The following CLVS1 variants were observed in gnomAD, a reference collection of about 807,000 sequenced individuals.
CLVS1 encodes clavesin-1.
Under a neutral mutation model 33.1 loss-of-function variants are expected in CLVS1, and 10 were observed. The observed-to-expected ratio is 0.30, with a 90% confidence interval of 0.19 to 0.51. CLVS1 has a LOEUF of 0.51. Among genes scored for constraint, CLVS1 ranks in the 20% least tolerant of loss-of-function variants. CLVS1 has a pLI of 0.97. For missense variants in CLVS1, 343 were observed against 433.4 expected (o/e 0.79, Z 1.85); for synonymous variants, 163 against 166.1 (o/e 0.98, Z 0.14).
At chr8:61,228,914 A>G (rs538535325) in intron 2 of CLVS1, among the ~76,000 whole-genome samples, 11 of 152,198 alleles carry the variant, frequency 7.2e-5, no homozygotes, top group Non-Finnish European at 1.6e-4. Flanking sequence ...ATATATATCC[A>G]GCAGTGGGAT....
chr8:61,287,677 G>T (rs555276764), upstream of CLVS1, among the ~76,000 whole-genome samples: 32 of 152,124 alleles, frequency 2.1e-4, no homozygotes, highest in Middle Eastern at 3.4e-3. Context: ...AATACCATTT[G>T]TTAGTAAAAT....
chr8:61,389,186 G>A (rs1372421394), intron 3 of CLVS1, among the ~76,000 whole-genome samples: 2 of 152,028 alleles, frequency 1.3e-5, no homozygotes, highest in African/African-American at 4.8e-5. Context: ...CCACATACTA[G>A]AAGTCTCAAT....
At chr8:61,474,163 C>T (rs532519798) in intron 5 of CLVS1, among the ~76,000 whole-genome samples, 1 of 152,156 alleles carries the variant, frequency 6.6e-6, no homozygotes, top group African/African-American at 2.4e-5. Flanking sequence ...CATTCTCCAA[C>T]ATGGAGAATG....
upstream of CLVS1, among the ~76,000 whole-genome samples, chr8:61,055,739 C>G (rs1043584995): frequency 6.6e-6 from 1 of 152,178 alleles, no homozygotes; most frequent in Admixed American, 6.5e-5. Flanking sequence ...TGAGCAGAAC[C>G]AAGCCTCTGG....
rs534267214 is a variant in CLVS1, at chr8:61,309,406, T to C, written c.455+9124T>C. Among the ~76,000 whole-genome samples, 10 of 152,336 alleles carry C rather than the reference T, an allele frequency of 6.6e-5. No homozygotes were observed. In the East Asian group the frequency reaches 1.7e-3, roughly 26 times the overall value. On this transcript the variant is annotated intron_variant, in intron 2 of 5. Transcript: ENST00000325897. The stretch of plus-strand genomic sequence containing the variant: ...AGGTTGCATTCCTGTTCTGAACTCA[T>C]GATCTCAGAATGACATCTCACAGCA...
chr8:61,495,141 T>C (rs1037404128), intron 5 of CLVS1, among the ~76,000 whole-genome samples: 2 of 152,206 alleles, frequency 1.3e-5, no homozygotes, highest in African/African-American at 4.8e-5. Context: ...GAAGTGAAAG[T>C]TGGCTACCTG....
At chr8:61,142,841 A>G (rs148426384) in intron 2 of CLVS1, among the ~76,000 whole-genome samples, 115 of 152,340 alleles carry the variant, frequency 7.5e-4, no homozygotes, top group African/African-American at 2.6e-3. Context: ...TCATAGAGCA[A>G]GTGAACCCAG....
rs148476104 is a variant in CLVS1 at position 61,266,936 on chromosome 8, T to C, written c.-151-32741T>C. 7.9e-4 allele frequency among the ~76,000 whole-genome samples: 120 copies of C among 152,358 alleles called. No individual in the cohort carries two copies. The Middle Eastern group carries it at 0.017, about 22-fold the overall frequency. ...AACCCGTATGCCTGGTGAATCCCAA[T>C]GCTTGTTGTTGAAATCCCAACACTG... On this transcript the variant is annotated intron_variant, in intron 2 of 2. Coordinates refer to the CLVS1 transcript ENST00000522621.
At chr8:61,328,711 T>C (rs2129596993) in intron 2 of CLVS1, among the ~76,000 whole-genome samples, 1 of 152,316 alleles carries the variant, frequency 6.6e-6, no homozygotes, top group Admixed American at 6.5e-5. Context: ...ATTTCTCTCA[T>C]CTGTGTTTTC....
chr8:61,463,787 C>A lies in CLVS1; in HGVS notation c.977+5245C>A, dbSNP rs190927112. Among the ~76,000 whole-genome samples, 26 of 152,134 alleles carry A rather than the reference C, an allele frequency of 1.7e-4. No homozygotes were observed. In the East Asian group the frequency reaches 4.4e-3, roughly 26 times the overall value. On this transcript the variant is annotated intron_variant, in intron 5 of 5. Transcript: ENST00000325897. ...ATATAAGAATAATAAAAAGTTTGGG[C>A]CGGGTGCAGTGGCTCAAGCCTGTAA...
At chr8:61,197,292 A>C (rs1807636725) in intron 2 of CLVS1, among the ~76,000 whole-genome samples, 1 of 152,112 alleles carries the variant, frequency 6.6e-6, no homozygotes, top group Admixed American at 6.6e-5. Context: ...TCTTCTCCCC[A>C]GTGTATGTTC....
chr8:61,064,454 TA>T (rs1804638246), intron 1 of CLVS1, among the ~76,000 whole-genome samples: 1 of 152,210 alleles, frequency 6.6e-6, no homozygotes, highest in South Asian at 2.1e-4. Flanking sequence ...TCCTAATGAC[TA>T]GTGCTGTTGA....
chr8:61,381,049 T>A (rs1992332), intron 3 of CLVS1, among the ~76,000 whole-genome samples: 6 of 151,798 alleles, frequency 4.0e-5, no homozygotes, highest in South Asian at 2.1e-4. Context: ...TCCAGAAAGC[T>A]ATCTATTTTT....
chr8:61,457,180 G>T (rs1317907112), intron 4 of CLVS1, among the ~76,000 whole-genome samples: 1 of 151,966 alleles, frequency 6.6e-6, no homozygotes, highest in Non-Finnish European at 1.5e-5. Flanking sequence ...CAGGTGATCT[G>T]CCCTCCTCAG....
At chr8:61,324,324 C>G (rs779617433) in intron 2 of CLVS1, among the ~76,000 whole-genome samples, 1 of 148,100 alleles carries the variant, frequency 6.8e-6, no homozygotes, top group Non-Finnish European at 1.5e-5. Flanking sequence ...ATGGTTTTAT[C>G]AGGGGTTTCT....
chr8:61,000,521 C>T, the CLVS1 span, among the ~76,000 whole-genome samples: 1 of 152,000 alleles, frequency 6.6e-6, no homozygotes, highest in African/African-American at 2.4e-5. Flanking sequence ...TGCCGATGAA[C>T]CTATGAAGAA....
chr8:61,234,356 T>TA (rs1453923121), intron 2 of CLVS1, among the ~76,000 whole-genome samples: 2 of 152,218 alleles, frequency 1.3e-5, no homozygotes, highest in African/African-American at 2.4e-5. Flanking sequence ...ATCCCCTTGA[T>TA]ACATTTCTCA....
intron 5 of CLVS1, among the ~76,000 whole-genome samples, chr8:61,458,855 CT>C (rs1323942725): frequency 6.6e-6 from 1 of 152,156 alleles, no homozygotes; most frequent in Non-Finnish European, 1.5e-5. Flanking sequence ...TTGAGATACA[CT>C]AGGTGGAAAA....
intron 2 of CLVS1, among the ~76,000 whole-genome samples, chr8:61,350,819 T>C (rs1333507571): frequency 1.3e-5 from 2 of 152,108 alleles, no homozygotes; most frequent in Non-Finnish European, 2.9e-5. Flanking sequence ...GGGCATCTAG[T>C]CATTTCCTGT....
Sources: allele counts gnomAD v4.1 joint callset (sites outside exome capture counted in the v4.1 genomes callset), GRCh38; gene constraint gnomAD v4.1.1; transcripts MANE v1.5; gene names NCBI Gene and HGNC (gene_info 2026-07-23, HGNC 2026-07-21).